Variants in SLC8A1 observed in about 807,000 individuals in gnomAD.
SLC8A1 encodes the protein sodium/calcium exchanger 1.
SLC8A1 carries 18 observed loss-of-function variants against 68.3 expected under a neutral mutation model. The observed-to-expected ratio is 0.26, with a 90% confidence interval of 0.18 to 0.39. The LOEUF is 0.39. SLC8A1 is among the 10% of genes least tolerant of loss of function. The pLI, the probability that SLC8A1 is intolerant of heterozygous loss-of-function variation, is 1.00. For synonymous variants in SLC8A1, 475 were observed against 415.5 expected (o/e 1.14, Z -1.74); for missense variants, 985 against 1,156.7 (o/e 0.85, Z 2.15).
At chr2:40,458,174 C>T (rs959345905) in intron 1 of SLC8A1, among the ~76,000 whole-genome samples, 1 of 152,186 alleles carries the variant, frequency 6.6e-6, no homozygotes, top group Non-Finnish European at 1.5e-5. Context: ...AACTCAGTTT[C>T]TTTTCTGCTG....
intron 2 of SLC8A1, among the ~76,000 whole-genome samples, chr2:40,286,370 C>G (rs568573073): frequency 1.8e-4 from 27 of 152,312 alleles, no homozygotes; most frequent in African/African-American, 6.3e-4. Flanking sequence ...GGCACCTCCT[C>G]TAGGTTGCCA....
At chr2:40,277,703 C>T (rs1008399200) in intron 2 of SLC8A1, among the ~76,000 whole-genome samples, 1 of 149,806 alleles carries the variant, frequency 6.7e-6, no homozygotes, top group Admixed American at 6.7e-5. Flanking sequence ...ATCAATAATA[C>T]TTATCATTTG....
exon 8 of SLC8A1, chr2:40,106,410 A>T (rs1286633289): frequency 6.6e-6 from 1 of 152,078 alleles, no homozygotes; most frequent in Admixed American, 6.6e-5. Flanking sequence ...TGGGTGCTAG[A>T]CTCATTTAAC....
At chr2:40,422,761 A>G (rs1432345210) in intron 2 of SLC8A1, among the ~76,000 whole-genome samples, 1 of 152,206 alleles carries the variant, frequency 6.6e-6, no homozygotes, top group East Asian at 1.9e-4. Flanking sequence ...ACAATATTTT[A>G]CTACAAATCT....
intron 2 of SLC8A1, among the ~76,000 whole-genome samples, chr2:40,297,118 A>C (rs2070543207): frequency 6.6e-6 from 1 of 152,210 alleles, no homozygotes; most frequent in African/African-American, 2.4e-5. Flanking sequence ...GCACTGTGTC[A>C]AAAGACATAG....
chr2:40,196,576 T>G (rs1266172026), intron 2 of SLC8A1, among the ~76,000 whole-genome samples: 2 of 151,996 alleles, frequency 1.3e-5, no homozygotes, highest in African/African-American at 4.8e-5. Flanking sequence ...ATGGGGAATC[T>G]ATAGTGCTGA....
chr2:40,150,082 G>A (rs2043147520), intron 6 of SLC8A1, among the ~76,000 whole-genome samples: 1 of 150,420 alleles, frequency 6.6e-6, no homozygotes, highest in Admixed American at 6.6e-5. Context: ...GGCAAGGGGA[G>A]GTTAGAATCA....
chr2:40,126,461 A>C (rs555306940), intron 7 of SLC8A1, among the ~76,000 whole-genome samples: 59 of 152,344 alleles, frequency 3.9e-4, no homozygotes, highest in Admixed American at 4.6e-4. Flanking sequence ...AATCCAGGGC[A>C]GTGGGATACC....
intron 2 of SLC8A1, among the ~76,000 whole-genome samples, chr2:40,264,241 C>T (rs1190566999): frequency 6.6e-6 from 1 of 151,638 alleles, no homozygotes; most frequent in Non-Finnish European, 1.5e-5. Context: ...AACACTTTTA[C>T]ACTGTTGGTG....
At chr2:40,497,425 A>T (rs988857074) in intron 1 of SLC8A1, among the ~76,000 whole-genome samples, 1 of 152,048 alleles carries the variant, frequency 6.6e-6, no homozygotes, top group African/African-American at 2.4e-5. Context: ...AGAAAAATAC[A>T]TGTTGACAAT....
chr2:40,199,377 A>G (rs372607137), intron 2 of SLC8A1, among the ~76,000 whole-genome samples: 2 of 151,710 alleles, frequency 1.3e-5, no homozygotes, highest in South Asian at 4.2e-4. Flanking sequence ...AGACCAACAC[A>G]TGATACTCTT....
chr2:40,275,195 T>C (rs2066539720), intron 2 of SLC8A1, among the ~76,000 whole-genome samples: 1 of 152,202 alleles, frequency 6.6e-6, no homozygotes, highest in Non-Finnish European at 1.5e-5. Flanking sequence ...AACAGAAGTA[T>C]AGACAGATGA....
upstream of SLC8A1, among the ~76,000 whole-genome samples, chr2:40,455,197 A>G (rs984550519): frequency 6.6e-6 from 1 of 152,216 alleles, no homozygotes; most frequent in African/African-American, 2.4e-5. Context: ...TTTTCAGACC[A>G]AGTGTAAATA....
chr2:40,468,040 A>G (rs943084973), intron 1 of SLC8A1, among the ~76,000 whole-genome samples: 1 of 152,138 alleles, frequency 6.6e-6, no homozygotes, highest in African/African-American at 2.4e-5. Context: ...TACCCATTTA[A>G]ACATTGAGAT....
At chr2:40,270,044 T>C (rs1053810628) in intron 2 of SLC8A1, among the ~76,000 whole-genome samples, 1 of 152,190 alleles carries the variant, frequency 6.6e-6, no homozygotes, top group African/African-American at 2.4e-5. Flanking sequence ...CTGTACAAAA[T>C]TCTTACAATA....
chr2:40,302,302 C>T (rs1207508480), intron 2 of SLC8A1, among the ~76,000 whole-genome samples: 1 of 151,862 alleles, frequency 6.6e-6, no homozygotes, highest in Admixed American at 6.6e-5. Context: ...GCTTAGCTCC[C>T]ATTTATGAGT....
chr2:40,468,905 A>T (rs1183773235), intron 1 of SLC8A1, among the ~76,000 whole-genome samples: 1 of 152,108 alleles, frequency 6.6e-6, no homozygotes, highest in East Asian at 1.9e-4. Context: ...GCAAGATCCC[A>T]TCTCTATATT....
exon 8 of SLC8A1, chr2:40,111,355 T>C (rs879744413): frequency 2.0e-5 from 3 of 152,182 alleles, no homozygotes; most frequent in Non-Finnish European, 4.4e-5. Context: ...CATTTTGTGT[T>C]AAACCAAAGG....
chr2:40,500,952 T>C (rs1038306951), intron 1 of SLC8A1, among the ~76,000 whole-genome samples: 7 of 152,044 alleles, frequency 4.6e-5, no homozygotes, highest in Middle Eastern at 3.4e-3. Flanking sequence ...GCCAAATCTA[T>C]AGCTCTCAAA....
Sources: allele counts gnomAD v4.1 joint callset (sites outside exome capture counted in the v4.1 genomes callset), GRCh38; gene constraint gnomAD v4.1.1; transcripts MANE v1.5; gene names NCBI Gene and HGNC (gene_info 2026-07-23, HGNC 2026-07-21).